CSMD3: variants seen among roughly 807,000 people sequenced by gnomAD.
CSMD3 encodes CUB and Sushi multiple domains 3, also known as CUB and sushi domain-containing protein 3.
Under a neutral mutation model 435.2 loss-of-function variants are expected in CSMD3, and 177 were observed. The ratio of observed to expected loss-of-function variants is 0.41; its 90% confidence interval spans 0.36 to 0.46. CSMD3 has a LOEUF of 0.46. CSMD3 is among the 20% of genes least tolerant of loss of function. The pLI is 0.34. For missense variants in CSMD3, 4,265 were observed against 4,504.6 expected (o/e 0.95, Z 1.52); for synonymous variants, 1,656 against 1,520.5 (o/e 1.09, Z -2.07).
rs2131572695 is a variant in CSMD3, at chr8:113,104,509, T to A, written c.710-5546A>T. ...CTACTTACATTTAATAGTTCAACTC[T>A]TTGCATTCTTGTGTTTAAAGAGAAA... On this transcript the variant is annotated intron_variant, in intron 4 of 70. Coordinates refer to ENST00000297405, the MANE Select transcript of CSMD3 (RefSeq NM_198123.2). Among the ~76,000 whole-genome samples the A allele has an allele frequency of 2.0e-5, 3 of 152,218 alleles. No individual in the cohort carries two copies. In the South Asian group the frequency reaches 6.2e-4, roughly 32 times the overall value.
At chr8:113,346,296 AC>A (rs1235664830) in intron 1 of CSMD3, among the ~76,000 whole-genome samples, 2 of 151,962 alleles carry the variant, frequency 1.3e-5, no homozygotes, top group African/African-American at 4.8e-5. Context: ...CTGAGTTTCC[AC>A]CCCACTTTTC....
At position 112,459,913 on chromosome 8, in the gene CSMD3, A is replaced by G. The variant is rs142540462; in HGVS notation, c.5395+12678T>C. Among the ~76,000 whole-genome samples the G allele has an allele frequency of 5.3e-5, 8 of 152,180 alleles. No individual in the cohort carries two copies. In the East Asian group the frequency reaches 1.5e-3, roughly 29 times the overall value. Reference sequence around the variant, plus strand: ...TCCTTGTGTTGTTCTTTTTGGCTGGAATGTCCTTCTCCAGCTAACAATTAC... The same window carrying G: ...TCCTTGTGTTGTTCTTTTTGGCTGGGATGTCCTTCTCCAGCTAACAATTAC... On this transcript the variant is annotated intron_variant, in intron 32 of 70. Transcript: ENST00000297405.
chr8:112,579,456 A>T (rs10955627), intron 23 of CSMD3, among the ~76,000 whole-genome samples: 38,405 of 151,918 alleles, frequency 0.25, 5,422 homozygotes, highest in African/African-American at 0.38. Flanking sequence ...TACCATAGGG[A>T]TACAATATAC....
chr8:113,356,085 C>T (rs973190880), intron 1 of CSMD3, among the ~76,000 whole-genome samples: 3 of 151,730 alleles, frequency 2.0e-5, no homozygotes, highest in Non-Finnish European at 4.4e-5. Flanking sequence ...CATGCATGGT[C>T]CAATACTCTT....
chr8:112,843,155 A>T (rs1311060985), intron 11 of CSMD3, among the ~76,000 whole-genome samples: 2 of 151,826 alleles, frequency 1.3e-5, no homozygotes, highest in African/African-American at 4.8e-5. Context: ...AAAAACATTG[A>T]TTAGAAGAAT....
chr8:112,260,451 A>C (rs181094882), intron 61 of CSMD3, among the ~76,000 whole-genome samples: 1 of 152,204 alleles, frequency 6.6e-6, no homozygotes, highest in African/African-American at 2.4e-5. Context: ...GAAATGATAT[A>C]CGTAAAGCAA....
At chr8:113,269,259 G>C (rs988533070) in intron 3 of CSMD3, among the ~76,000 whole-genome samples, 4 of 152,064 alleles carry the variant, frequency 2.6e-5, no homozygotes, top group African/African-American at 9.7e-5. Flanking sequence ...CAAGGGACGA[G>C]AAGGACCTCT....
At chr8:113,234,129 T>C (rs6989956) in intron 3 of CSMD3, among the ~76,000 whole-genome samples, 3,243 of 152,248 alleles carry the variant, frequency 0.021, 131 homozygotes, top group African/African-American at 0.074. Flanking sequence ...TCAATGTTGT[T>C]GCTCAGAAGA....
intron 30 of CSMD3, among the ~76,000 whole-genome samples, chr8:112,501,714 G>C (rs1404875028): frequency 6.6e-6 from 1 of 152,108 alleles, no homozygotes; most frequent in Non-Finnish European, 1.5e-5. Context: ...GAATCTCACA[G>C]ATATGTTCAT....
intron 1 of CSMD3, among the ~76,000 whole-genome samples, chr8:113,324,862 G>A (rs1408393806): frequency 1.3e-5 from 2 of 152,214 alleles, no homozygotes; most frequent in South Asian, 2.1e-4. Flanking sequence ...AGCTGCCCAA[G>A]ACCATGAGAA....
chr8:112,906,706 G>C (rs2082273554), intron 10 of CSMD3, among the ~76,000 whole-genome samples: 1 of 151,256 alleles, frequency 6.6e-6, no homozygotes, highest in Admixed American at 6.6e-5. Context: ...CATCTCCCAA[G>C]GTTTCAGCCT....
intron 9 of CSMD3, among the ~76,000 whole-genome samples, chr8:112,942,338 T>C (rs2083476489): frequency 1.3e-5 from 2 of 151,546 alleles, no homozygotes; most frequent in East Asian, 3.9e-4. Context: ...GAACTACCAT[T>C]CAACCCAGTA....
At chr8:113,306,910 T>A (rs905769698) in intron 2 of CSMD3, among the ~76,000 whole-genome samples, 8 of 152,046 alleles carry the variant, frequency 5.3e-5, no homozygotes, top group African/African-American at 1.9e-4. Context: ...ATGACAACAA[T>A]CCATCAAGTT....
chr8:112,464,354 A>G (rs1241237871), intron 32 of CSMD3, among the ~76,000 whole-genome samples: 1 of 152,132 alleles, frequency 6.6e-6, no homozygotes, highest in Non-Finnish European at 1.5e-5. Flanking sequence ...ATGTGGAACA[A>G]CTGATGAGTT....
At chr8:112,868,201 G>A (rs1328846985) in intron 10 of CSMD3, among the ~76,000 whole-genome samples, 1 of 151,892 alleles carries the variant, frequency 6.6e-6, no homozygotes, top group Non-Finnish European at 1.5e-5. Flanking sequence ...GATCCTCAGG[G>A]GTAATAATAC....
chr8:113,126,521 A>G (rs1288570312), intron 4 of CSMD3, among the ~76,000 whole-genome samples: 1 of 152,074 alleles, frequency 6.6e-6, no homozygotes, highest in Non-Finnish European at 1.5e-5. Context: ...AGAATAGACA[A>G]CAAGTACCAA....
At chr8:112,565,159 A>G (rs777784337) in intron 24 of CSMD3, among the ~76,000 whole-genome samples, 85 of 152,096 alleles carry the variant, frequency 5.6e-4, no homozygotes, top group Non-Finnish European at 8.4e-4. Flanking sequence ...TATATCACGC[A>G]GCATTGATCA....
intron 12 of CSMD3, among the ~76,000 whole-genome samples, chr8:112,809,998 A>C (rs1484981575): frequency 2.6e-5 from 4 of 152,092 alleles, no homozygotes; most frequent in Non-Finnish European, 5.9e-5. Flanking sequence ...TACATTGACT[A>C]ATCTCTCATC....
At chr8:112,911,390 T>A (rs1051461890) in intron 10 of CSMD3, among the ~76,000 whole-genome samples, 1 of 151,874 alleles carries the variant, frequency 6.6e-6, no homozygotes, top group Admixed American at 6.6e-5. Flanking sequence ...TACTTTTGTG[T>A]GGCGAAAACA....
Sources: gnomAD v4.1 joint callset for allele counts (sites outside exome capture counted in the v4.1 genomes callset) on GRCh38, gnomAD v4.1.1 for gene constraint, MANE v1.5 for transcripts, NCBI Gene and HGNC (gene_info 2026-07-23, HGNC 2026-07-21) for gene names.